CD47: variants seen among roughly 807,000 people sequenced by gnomAD.
CD47 encodes the protein leukocyte surface antigen CD47.
A neutral mutation model predicts 44.6 loss-of-function variants in CD47; 11 were observed. The ratio of observed to expected loss-of-function variants is 0.25; its 90% CI spans 0.16 to 0.41. The LOEUF is 0.41. CD47 is among the 10% of genes least tolerant of loss of function. The pLI is 1.00. For synonymous variants in CD47, 140 were observed against 136.3 expected, an observed-to-expected ratio of 1.03 and a Z score of -0.19; for missense variants, 306 against 386.7, an observed-to-expected ratio of 0.79 and a Z score of 1.75.
At chr3:108,079,730 A>T (rs960263078) in intron 2 of CD47, among the ~76,000 whole-genome samples, 1 of 151,866 alleles carries the variant, frequency 6.6e-6, no homozygotes, top group African/African-American at 2.4e-5. Flanking sequence ...AATGGTCCTT[A>T]GACCAAAAGT....
At chr3:108,057,915 C>G (rs1222318917) in intron 6 of CD47, among the ~76,000 whole-genome samples, 1 of 152,100 alleles carries the variant, frequency 6.6e-6, no homozygotes, top group Admixed American at 6.5e-5. Context: ...CAGCTAATAT[C>G]TTTGTAGCGA....
chr3:108,050,523 C>T (rs924691509), intron 9 of CD47, 55 bp downstream of exon 9: 13 of 806,374 alleles, frequency 1.6e-5, no homozygotes, highest in East Asian at 5.6e-5. Flanking sequence ...AACTGTTTTG[C>T]GGGCCAGATC....
chr3:108,067,712 T>C (rs1416945944), intron 3 of CD47, among the ~76,000 whole-genome samples: 1 of 152,208 alleles, frequency 6.6e-6, no homozygotes, highest in African/African-American at 2.4e-5. Context: ...AAGTTAAAGC[T>C]AAGCTAAAGG....
In CD47 at chr3:108,050,582, A is replaced by G; in HGVS notation, c.930T>C (p.Leu310=). Residue 310 remains leucine, a synonymous_variant, in exon 9 of 11, where the codon CTT becomes CTC. Transcript: ENST00000361309. ...AAGAGTGAAATAACCACATACCATTAAGGGGTTCCTCTACAGCTTTCTGAA... is the reference window on the plus strand; with the variant it reads ...AAGAGTGAAATAACCACATACCATTGAGGGGTTCCTCTACAGCTTTCTGAA... ...QPPRKAVEEP[L]NAFKESKGMM... is the part of the protein sequence containing the mutation. The G allele has an allele frequency of 8.3e-7, 1 of 1,203,158 alleles. No individual in the cohort carries two copies. Among genetic ancestry groups the G allele is most frequent in the Non-Finnish European group, 1.2e-6 (1 of 837,964 alleles). 74.5% of individuals were successfully genotyped at this position (1,203,158 alleles called of 1,614,324 possible).
chr3:108,048,382 T>TG (rs1160511043), intron 10 of CD47, among the ~76,000 whole-genome samples: 7 of 137,000 alleles, frequency 5.1e-5, no homozygotes, highest in Non-Finnish European at 9.4e-5. Flanking sequence ...TTTTTTTTTT[T>TG]TTTTTTTTTT....
intron 1 of CD47, among the ~76,000 whole-genome samples, chr3:108,089,523 AATT>A (rs1412583806): frequency 6.6e-6 from 1 of 152,204 alleles, no homozygotes; most frequent in Non-Finnish European, 1.5e-5. Context: ...GGCGTTCTGA[AATT>A]ATTATGCGAT....
intron 1 of CD47, among the ~76,000 whole-genome samples, chr3:108,085,247 CACT>C (rs1460606318): frequency 6.6e-6 from 1 of 152,088 alleles, no homozygotes; most frequent in Admixed American, 6.6e-5. Context: ...ACTATTACCC[CACT>C]GAGTACATAG....
intron 2 of CD47, 78 bp from the exon 3 acceptor site, chr3:108,071,260 G>T: frequency 1.5e-6 from 1 of 658,032 alleles, no homozygotes; most frequent in South Asian, 2.1e-5. Flanking sequence ...TATAATACAT[G>T]CTTTATTATA....
At chr3:108,090,813 C>T (rs1342776848) in intron 1 of CD47, 50 bp downstream of exon 1, 2 of 1,445,902 alleles carry the variant, frequency 1.4e-6, no homozygotes, top group African/African-American at 3.0e-5. Flanking sequence ...CACACGCCCG[C>T]GGGGGCGAAG....
intron 10 of CD47, among the ~76,000 whole-genome samples, chr3:108,048,371 G>GATTTTTTTTTT (rs1559971847): frequency 6.3e-5 from 5 of 79,582 alleles, no homozygotes; most frequent in Non-Finnish European, 6.8e-5. Flanking sequence ...TGACTGGAGT[G>GATTTTTTTTTT]TTTTTTTTTT....
chr3:108,067,100 T>C (rs192589863), intron 3 of CD47, among the ~76,000 whole-genome samples: 10 of 152,348 alleles, frequency 6.6e-5, no homozygotes, highest in Non-Finnish European at 1.2e-4. Flanking sequence ...CAAACTACTC[T>C]TGATAACACA....
intron 2 of CD47, among the ~76,000 whole-genome samples, chr3:108,076,457 TTTAG>T (rs1475983217): frequency 6.6e-6 from 1 of 152,192 alleles, no homozygotes; most frequent in African/African-American, 2.4e-5. Context: ...GCATTCAGTA[TTTAG>T]TTATTTACAA....
chr3:108,051,579 C>T (rs544094458), intron 8 of CD47, among the ~76,000 whole-genome samples: 1 of 152,266 alleles, frequency 6.6e-6, no homozygotes, highest in African/African-American at 2.4e-5. Flanking sequence ...CATTTTTAAG[C>T]CTGAAATTGT....
intron 3 of CD47, among the ~76,000 whole-genome samples, chr3:108,064,460 G>A (rs544957278): frequency 1.1e-4 from 16 of 152,254 alleles, no homozygotes; most frequent in African/African-American, 3.9e-4. Flanking sequence ...TGGACAAGAA[G>A]GTTTTCTGAT....
chr3:108,089,364 ATCAC>A (rs1159465600), intron 1 of CD47, among the ~76,000 whole-genome samples: 4 of 152,360 alleles, frequency 2.6e-5, no homozygotes, highest in African/African-American at 9.6e-5. Context: ...CATAAATCCT[ATCAC>A]TCAAAGTACC....
At chr3:108,070,731 T>C (rs2079184972) in intron 3 of CD47, among the ~76,000 whole-genome samples, 1 of 152,172 alleles carries the variant, frequency 6.6e-6, no homozygotes, top group Admixed American at 6.5e-5. Context: ...ACGTCCTACC[T>C]TAAAACTAAT....
chr3:108,067,765 T>C (rs1177687128), intron 3 of CD47, among the ~76,000 whole-genome samples: 2 of 152,348 alleles, frequency 1.3e-5, no homozygotes, highest in African/African-American at 4.8e-5. Context: ...GCCTTTATCT[T>C]TGAAACGTGG....
intron 3 of CD47, among the ~76,000 whole-genome samples, chr3:108,068,589 C>T (rs2079143573): frequency 6.6e-6 from 1 of 152,164 alleles, no homozygotes; most frequent in South Asian, 2.1e-4. Context: ...GTAAACAGTA[C>T]TAGTTCAAAT....
chr3:108,057,308 A>G (rs2078928104), intron 7 of CD47, among the ~76,000 whole-genome samples, 169 bp downstream of exon 7: 1 of 152,186 alleles, frequency 6.6e-6, no homozygotes, highest in African/African-American at 2.4e-5. Flanking sequence ...AAACTGGAAG[A>G]ACCAACTAAA....
Sources: gnomAD v4.1 joint callset for allele counts (sites outside exome capture counted in the v4.1 genomes callset) on GRCh38, gnomAD v4.1.1 for gene constraint, MANE v1.5 for transcripts, NCBI Gene and HGNC (gene_info 2026-07-23, HGNC 2026-07-21) for gene names.